CACNA2D3: variants seen among roughly 807,000 people sequenced by gnomAD.
The protein encoded by CACNA2D3 is voltage-dependent calcium channel subunit alpha-2/delta-3.
CACNA2D3 carries 60 observed loss-of-function variants against 160.6 expected under a neutral mutation model. The observed-to-expected ratio is 0.37, with a 90% CI of 0.30 to 0.46. CACNA2D3 has a LOEUF of 0.46. CACNA2D3 is among the 20% of genes least tolerant of loss of function. CACNA2D3 has a pLI of 1.00. For synonymous variants in CACNA2D3, 558 were observed against 492.9 expected, an observed-to-expected ratio of 1.13 and a Z score of -1.75; for missense variants, 1,205 against 1,365.0, an observed-to-expected ratio of 0.88 and a Z score of 1.85.
At chr3:54,334,144 T>A (rs1032341520) in intron 3 of CACNA2D3, among the ~76,000 whole-genome samples, 2 of 152,142 alleles carry the variant, frequency 1.3e-5, no homozygotes, top group African/African-American at 4.8e-5. Context: ...TGGAGTGCAG[T>A]AGTGTGATCT....
chr3:54,845,218 C>T (rs1210270249), intron 16 of CACNA2D3, among the ~76,000 whole-genome samples: 1 of 152,182 alleles, frequency 6.6e-6, no homozygotes, highest in East Asian at 1.9e-4. Context: ...TTATGTAGTG[C>T]AACGGAAACT....
At chr3:54,142,330 G>T (rs1699952862) in intron 2 of CACNA2D3, among the ~76,000 whole-genome samples, 1 of 152,110 alleles carries the variant, frequency 6.6e-6, no homozygotes. Context: ...AGTCTTCCTG[G>T]CCTGATTCTT....
chr3:55,068,830 A>G (rs935199164), intron 35 of CACNA2D3, among the ~76,000 whole-genome samples: 15 of 152,166 alleles, frequency 9.9e-5, no homozygotes, highest in Non-Finnish European at 1.9e-4. Context: ...ATCTTTGTAC[A>G]TGACTTCTTG....
intron 3 of CACNA2D3, among the ~76,000 whole-genome samples, chr3:54,322,006 T>C (rs192606684): frequency 1.3e-5 from 2 of 151,238 alleles, no homozygotes; most frequent in Admixed American, 1.3e-4. Context: ...TCTTTGTGAA[T>C]CACAGAATTT....
At chr3:54,811,918 G>C (rs1392685256) in intron 13 of CACNA2D3, among the ~76,000 whole-genome samples, 1 of 152,206 alleles carries the variant, frequency 6.6e-6, no homozygotes, top group African/African-American at 2.4e-5. Flanking sequence ...CAGAATTAGA[G>C]TAATAATAGA....
chr3:54,687,135 G>GTTTTTTTTTTTTTTTTTTTT (rs1290353261), intron 11 of CACNA2D3, among the ~76,000 whole-genome samples: 2 of 88,890 alleles, frequency 2.2e-5, no homozygotes, highest in Non-Finnish European at 4.3e-5. Flanking sequence ...TTTTTTTTTT[G>GTTTTTTTTTTTTTTTTTTTT]TTTTTTTTTT....
intron 35 of CACNA2D3, among the ~76,000 whole-genome samples, chr3:55,067,083 G>T (rs567084622): frequency 6.7e-6 from 1 of 148,696 alleles, no homozygotes; most frequent in Non-Finnish European, 1.5e-5. Context: ...TAATCTTTCC[G>T]CTGGCAATCT....
intron 3 of CACNA2D3, among the ~76,000 whole-genome samples, chr3:54,350,918 C>T (rs552103085): frequency 3.4e-5 from 5 of 145,806 alleles, no homozygotes; most frequent in Admixed American, 2.8e-4. Context: ...AAGCTGTTTG[C>T]TTCTAGGTCA....
chr3:54,352,202 T>C (rs1051501623), intron 3 of CACNA2D3, among the ~76,000 whole-genome samples: 2 of 152,172 alleles, frequency 1.3e-5, no homozygotes, highest in African/African-American at 2.4e-5. Flanking sequence ...GGTCTCCCTC[T>C]CTGCCCATCA....
intron 31 of CACNA2D3, among the ~76,000 whole-genome samples, chr3:54,993,355 C>T (rs1204334335): frequency 3.9e-5 from 6 of 152,124 alleles, no homozygotes; most frequent in African/African-American, 1.4e-4. Flanking sequence ...GCTCTTCCAC[C>T]CTTTTCCAAT....
chr3:54,644,780 T>A (rs1699602818), intron 11 of CACNA2D3, among the ~76,000 whole-genome samples: 1 of 152,252 alleles, frequency 6.6e-6, no homozygotes, highest in Admixed American at 6.5e-5. Flanking sequence ...TTTGCATTTC[T>A]AACTAGTTCC....
chr3:54,224,707 T>C (rs78278382), intron 2 of CACNA2D3, among the ~76,000 whole-genome samples: 1,649 of 152,342 alleles, frequency 0.011, 15 homozygotes, highest in Non-Finnish European at 0.018. Flanking sequence ...AGGTCTCTCT[T>C]GTTTTAAATT....
In CACNA2D3 at chr3:54,310,727, A is replaced by G. The variant is rs182953827; in HGVS notation, c.205-9715A>G. ...GACGTATTTCAGAAATTTTAGAAAT[A>G]CTGAGATTTATTACTTCTCCCATCA... On this transcript the variant is annotated intron_variant, in intron 2 of 37. Coordinates refer to ENST00000474759, the MANE Select transcript of CACNA2D3 (RefSeq NM_018398.3). Among the ~76,000 whole-genome samples the G allele has an allele frequency of 1.1e-3, 175 of 152,320 alleles. 7 individuals are homozygous for G. The East Asian group carries it at 0.032, about 28-fold the overall frequency.
intron 4 of CACNA2D3, among the ~76,000 whole-genome samples, chr3:54,493,436 A>G (rs1438337353): frequency 6.6e-6 from 1 of 152,164 alleles, no homozygotes; most frequent in East Asian, 1.9e-4. Context: ...CTTGGTCCAG[A>G]AAATAATGTC....
Position 54,793,389 on chromosome 3 carries a change from TA to T in CACNA2D3, c.1381-23461del, listed in dbSNP as rs139788049. ...GCTCTTGTTTCAACCAACTTCTGTC[TA>T]AATGCCCAGAATTCGTGGCTGTTTG... On this transcript the variant is annotated intron_variant, in intron 13 of 37. Transcript: ENST00000474759. Among the ~76,000 whole-genome samples, 361 of 152,360 alleles carry T rather than the reference TA, an allele frequency of 2.4e-3. 1 individual carries two copies. Among genetic ancestry groups the T allele is most frequent in the African/African-American group, 8.3e-3 (344 of 41,584 alleles).
intron 11 of CACNA2D3, among the ~76,000 whole-genome samples, chr3:54,688,517 G>T (rs1013054180): frequency 6.6e-6 from 1 of 151,652 alleles, no homozygotes; most frequent in Non-Finnish European, 1.5e-5. Context: ...GTTTCTATTC[G>T]CATCCTTTCT....
chr3:54,660,143 CT>C (rs34482934), intron 11 of CACNA2D3, among the ~76,000 whole-genome samples: 214 of 142,690 alleles, frequency 1.5e-3, no homozygotes, highest in Middle Eastern at 3.6e-3. Flanking sequence ...CTTTTGGTTT[CT>C]TTTTTTTTTT....
chr3:54,926,832 G>T (rs1207306049), intron 27 of CACNA2D3, among the ~76,000 whole-genome samples: 1 of 152,036 alleles, frequency 6.6e-6, no homozygotes. Flanking sequence ...AGACTGCCTT[G>T]GCTGTGCAGG....
At chr3:54,347,690 C>T (rs1698483909) in intron 3 of CACNA2D3, among the ~76,000 whole-genome samples, 1 of 151,950 alleles carries the variant, frequency 6.6e-6, no homozygotes, top group Non-Finnish European at 1.5e-5. Context: ...TGGGCTCCTT[C>T]TTCATAGAAG....
Sources: gnomAD v4.1 joint callset for allele counts (sites outside exome capture counted in the v4.1 genomes callset) on GRCh38, gnomAD v4.1.1 for gene constraint, MANE v1.5 for transcripts, NCBI Gene and HGNC (gene_info 2026-07-23, HGNC 2026-07-21) for gene names.